PHF21A: variants seen among roughly 807,000 people sequenced by gnomAD.
PHF21A encodes the protein BHC80a.
A neutral mutation model predicts 82.5 loss-of-function variants in PHF21A; 11 were observed. The observed-to-expected ratio is 0.13, with a 90% CI of 0.08 to 0.22. The LOEUF (loss-of-function observed/expected upper bound fraction) is 0.22, where lower values mean the gene tolerates loss of function less well. Among genes scored for constraint, PHF21A ranks in the 10% least tolerant of loss-of-function variants. The pLI is 1.00. For synonymous variants in PHF21A, 297 were observed against 302.8 expected, an observed-to-expected ratio of 0.98 and a Z score of 0.20; for missense variants, 579 against 837.8, an observed-to-expected ratio of 0.69 and a Z score of 3.81.
rs1345505583 is a variant in PHF21A at position 45,933,192 on chromosome 11, G to A, written c.*776C>T. 1 of 152,576 alleles carries A rather than the reference G, an allele frequency of 6.6e-6. No homozygotes were observed. Among genetic ancestry groups the A allele is most frequent in the East Asian group, 1.9e-4 (1 of 5,188 alleles). The allele number at this position is 152,576 out of a possible 1,614,324, so 9.5% of individuals were successfully genotyped here. A position where few individuals can be genotyped will look rare whatever the true frequency, so the allele number is the denominator to read the frequency against. On this transcript the variant is annotated 3_prime_UTR_variant, in exon 19 of 19. Coordinates refer to ENST00000676320, the MANE Select transcript of PHF21A (RefSeq NM_001352027.3). ...AGGGCCAGTGGCCCGGGCTCTGCTT[G>A]TTCTTGGAGAGGAGACAGCGGGATA...
chr11:45,948,238 T>A (rs1351170160), intron 14 of PHF21A, among the ~76,000 whole-genome samples: 1 of 152,230 alleles, frequency 6.6e-6, no homozygotes, highest in East Asian at 1.9e-4. Context: ...TGAGAGACAC[T>A]GCTGCTGCTA....
intron 1 of PHF21A, among the ~76,000 whole-genome samples, chr11:46,095,569 C>A (rs1321513087): frequency 6.6e-6 from 1 of 152,026 alleles, no homozygotes. Flanking sequence ...GTTCACCTCT[C>A]CAGAACTTCA....
intron 2 of PHF21A, among the ~76,000 whole-genome samples, chr11:46,090,975 C>T (rs1009130877): frequency 2.0e-5 from 3 of 152,170 alleles, no homozygotes; most frequent in Admixed American, 1.3e-4. Context: ...TCTAAGATTC[C>T]ATCCCATGTC....
At chr11:45,979,307 C>T (rs1029790369) in intron 7 of PHF21A, among the ~76,000 whole-genome samples, 3 of 152,158 alleles carry the variant, frequency 2.0e-5, no homozygotes, top group African/African-American at 7.2e-5. Context: ...GCATGAGCTA[C>T]TGAGCCCAGC....
intron 7 of PHF21A, among the ~76,000 whole-genome samples, chr11:45,972,062 G>T (rs1446179947): frequency 1.3e-5 from 2 of 151,076 alleles, no homozygotes; most frequent in South Asian, 2.1e-4. Context: ...GATACTAAAG[G>T]GATATTATGA....
chr11:46,011,358 G>T (rs2095410295), intron 6 of PHF21A, among the ~76,000 whole-genome samples: 1 of 152,190 alleles, frequency 6.6e-6, no homozygotes, highest in South Asian at 2.1e-4. Flanking sequence ...GTGTGGTGGT[G>T]CATGCCTGTA....
intron 6 of PHF21A, among the ~76,000 whole-genome samples, chr11:46,031,765 A>AT (rs1275321866): frequency 1.3e-5 from 2 of 152,112 alleles, no homozygotes; most frequent in Non-Finnish European, 2.9e-5. Context: ...GAATGCAATA[A>AT]TTTTTTTCCA....
intron 6 of PHF21A, among the ~76,000 whole-genome samples, chr11:46,003,477 A>C (rs16938431): frequency 0.026 from 3,986 of 152,200 alleles, 134 homozygotes; most frequent in African/African-American, 0.078. Flanking sequence ...TAATGACACT[A>C]AAACAAGAAA....
chr11:46,057,607 T>C (rs1392334664), intron 6 of PHF21A, among the ~76,000 whole-genome samples: 1 of 152,114 alleles, frequency 6.6e-6, no homozygotes, highest in African/African-American at 2.4e-5. Flanking sequence ...ATCTATAATA[T>C]GACTCAAGCT....
At position 45,938,295 on chromosome 11, in the gene PHF21A, A is replaced by G. The variant is rs757392692; in HGVS notation, c.1470T>C (p.Asp490=). ...PTSTDGDIHE[D]FCSVCRKSGQ... The stretch of plus-strand genomic sequence containing the variant: ...CACTTTTTCTGCAAACGCTGCAAAA[A>G]TCCTCATGAATATCACCCTATAAAG... Residue 490 remains aspartate, a synonymous_variant, in exon 16 of 19, where the codon GAT becomes GAC. Transcript: ENST00000676320. 1.9e-6 allele frequency: 3 copies of G among 1,611,122 alleles called. No individual in the cohort carries two copies. In the Middle Eastern group the frequency reaches 5.0e-4, roughly 266 times the overall value.
At chr11:45,946,652 G>A (rs2091344308) in intron 14 of PHF21A, among the ~76,000 whole-genome samples, 1 of 152,176 alleles carries the variant, frequency 6.6e-6, no homozygotes, top group Non-Finnish European at 1.5e-5. Flanking sequence ...TGGGATTACA[G>A]GTGTGAGCCA....
intron 6 of PHF21A, among the ~76,000 whole-genome samples, chr11:46,003,203 G>C (rs1008957848): frequency 1.3e-5 from 2 of 151,626 alleles, no homozygotes; most frequent in African/African-American, 4.8e-5. Flanking sequence ...ATCTGTATAT[G>C]AGAGTGCCAC....
intron 9 of PHF21A, among the ~76,000 whole-genome samples, chr11:45,968,931 C>CAAA (rs59583388): frequency 4.7e-5 from 4 of 85,662 alleles, no homozygotes; most frequent in African/African-American, 7.4e-5. Flanking sequence ...AACTCCATTG[C>CAAA]AAAAAAAAAA....
chr11:46,063,654 C>T (rs186129219), intron 6 of PHF21A, among the ~76,000 whole-genome samples: 27 of 152,162 alleles, frequency 1.8e-4, no homozygotes, highest in Admixed American at 1.5e-3. Context: ...GAAGTAATGG[C>T]TAAAACCACT....
intron 10 of PHF21A, among the ~76,000 whole-genome samples, chr11:45,964,916 T>C (rs746877812): frequency 6.6e-6 from 1 of 152,254 alleles, no homozygotes; most frequent in Non-Finnish European, 1.5e-5. Flanking sequence ...TCCCTTTCCC[T>C]GTTTTGTTTA....
intron 1 of PHF21A, among the ~76,000 whole-genome samples, chr11:46,106,083 G>A (rs1197676749): frequency 2.0e-5 from 3 of 152,180 alleles, no homozygotes; most frequent in African/African-American, 7.2e-5. Context: ...AACTATTGCA[G>A]CTCCCTCCAT....
chr11:45,955,348 A>T (rs2092554785), intron 10 of PHF21A, among the ~76,000 whole-genome samples: 1 of 152,106 alleles, frequency 6.6e-6, no homozygotes, highest in Non-Finnish European at 1.5e-5. Flanking sequence ...CATAAAACAA[A>T]ACACCAGTGG....
intron 6 of PHF21A, among the ~76,000 whole-genome samples, chr11:46,011,258 G>A (rs2095408695): frequency 6.6e-6 from 1 of 152,162 alleles, no homozygotes; most frequent in South Asian, 2.1e-4. Flanking sequence ...GGAGGCAGAG[G>A]AGGGCAGATC....
At chr11:45,986,204 A>C (rs1171131285) in intron 6 of PHF21A, among the ~76,000 whole-genome samples, 1 of 151,830 alleles carries the variant, frequency 6.6e-6, no homozygotes, top group African/African-American at 2.4e-5. Context: ...CTCTCTAAAA[A>C]TTTAGACTTT....
Sources: allele counts gnomAD v4.1 joint callset (sites outside exome capture counted in the v4.1 genomes callset), GRCh38; gene constraint gnomAD v4.1.1; transcripts MANE v1.5; gene names NCBI Gene and HGNC (gene_info 2026-07-23, HGNC 2026-07-21).